SNTB1: variants seen among roughly 807,000 people sequenced by gnomAD.
SNTB1 encodes beta-1-syntrophin.
A neutral mutation model predicts 48.9 loss-of-function variants in SNTB1; 36 were observed. The observed-to-expected ratio is 0.74, with a 90% CI of 0.56 to 0.97. The LOEUF (loss-of-function observed/expected upper bound fraction) is 0.97. Ranked by LOEUF, SNTB1 falls within the 50% of genes least tolerant of loss-of-function variation. The probability of loss-of-function intolerance (pLI) is 0.00; values close to 1 mark genes in which losing one functional copy is unlikely to be tolerated. For missense variants in SNTB1, 786 were observed against 703.4 expected, an observed-to-expected ratio of 1.12 and a Z score of -1.33; for synonymous variants, 299 against 294.6, an observed-to-expected ratio of 1.01 and a Z score of -0.15.
intron 3 of SNTB1, among the ~76,000 whole-genome samples, chr8:120,581,681 T>C (rs981552847): frequency 6.6e-6 from 1 of 151,996 alleles, no homozygotes; most frequent in East Asian, 1.9e-4. Flanking sequence ...TAAAGTGAGG[T>C]GAAAAGGATG....
intron 1 of SNTB1, among the ~76,000 whole-genome samples, chr8:120,729,977 C>T (rs187253726): frequency 2.0e-5 from 3 of 152,162 alleles, no homozygotes; most frequent in Non-Finnish European, 2.9e-5. Flanking sequence ...ACAGAGCCTG[C>T]GAAAGCAGTT....
intron 2 of SNTB1, among the ~76,000 whole-genome samples, chr8:120,683,304 G>A (rs1289160032): frequency 6.6e-6 from 1 of 152,166 alleles, no homozygotes; most frequent in Non-Finnish European, 1.5e-5. Flanking sequence ...CCACTGCTGT[G>A]TTTCAGGAGG....
intron 1 of SNTB1, among the ~76,000 whole-genome samples, chr8:120,802,134 G>A (rs890634804): frequency 2.0e-5 from 3 of 152,046 alleles, no homozygotes; most frequent in African/African-American, 7.2e-5. Context: ...ACTAAATAGA[G>A]AATAAAAAAC....
At chr8:120,795,957 C>T (rs1820113164) in intron 1 of SNTB1, among the ~76,000 whole-genome samples, 2 of 151,962 alleles carry the variant, frequency 1.3e-5, no homozygotes, top group South Asian at 4.1e-4. Context: ...CCCTAATGAC[C>T]TCACTTTAAC....
intron 2 of SNTB1, among the ~76,000 whole-genome samples, chr8:120,649,439 G>T (rs1817365304): frequency 1.4e-5 from 2 of 140,550 alleles, no homozygotes; most frequent in African/African-American, 5.4e-5. Flanking sequence ...TGAGGTGTCA[G>T]TGTGCCCCTG....
At chr8:120,776,329 C>G (rs1361211416) in intron 1 of SNTB1, 2 of 152,220 alleles carry the variant, frequency 1.3e-5, no homozygotes, top group South Asian at 2.1e-4. Context: ...TTCCAGCTAT[C>G]TAACATTTAT....
chr8:120,740,324 G>C (rs1819022651), intron 1 of SNTB1, among the ~76,000 whole-genome samples: 1 of 152,282 alleles, frequency 6.6e-6, no homozygotes, highest in South Asian at 2.1e-4. Flanking sequence ...CTTTCGTCTA[G>C]AGTATGATCT....
chr8:120,658,400 C>T (rs1202855796), intron 2 of SNTB1, among the ~76,000 whole-genome samples: 2 of 152,060 alleles, frequency 1.3e-5, no homozygotes, highest in Non-Finnish European at 2.9e-5. Context: ...ACACCATAGG[C>T]AATTTAGTTA....
chr8:120,713,056 A>G (rs1383088419), intron 1 of SNTB1, among the ~76,000 whole-genome samples: 1 of 152,130 alleles, frequency 6.6e-6, no homozygotes, highest in Admixed American at 6.5e-5. Flanking sequence ...TAATATAAAT[A>G]TTGTCATTCT....
chr8:120,611,288 T>C (rs536325048), intron 3 of SNTB1, among the ~76,000 whole-genome samples: 1 of 151,894 alleles, frequency 6.6e-6, no homozygotes, highest in Non-Finnish European at 1.5e-5. Flanking sequence ...CCCCCAAGAG[T>C]GCAGAAGAGG....
At chr8:120,653,536 T>G (rs1015814009) in intron 2 of SNTB1, among the ~76,000 whole-genome samples, 7 of 152,228 alleles carry the variant, frequency 4.6e-5, no homozygotes, top group African/African-American at 1.7e-4. Flanking sequence ...TCTACTGTTT[T>G]AAGCCACCCA....
chr8:120,764,625 A>G (rs1819484041), intron 1 of SNTB1, among the ~76,000 whole-genome samples: 1 of 152,166 alleles, frequency 6.6e-6, no homozygotes, highest in African/African-American at 2.4e-5. Context: ...GCCATTTTCA[A>G]TTGCCCTACT....
At chr8:120,611,638 C>A (rs966279872) in intron 3 of SNTB1, among the ~76,000 whole-genome samples, 11 of 151,720 alleles carry the variant, frequency 7.3e-5, no homozygotes, top group African/African-American at 2.7e-4. Context: ...CTGGCTAACA[C>A]GGTGAAACCC....
chr8:120,671,524 AC>A (rs982615044), intron 2 of SNTB1, among the ~76,000 whole-genome samples: 1 of 152,214 alleles, frequency 6.6e-6, no homozygotes, highest in Non-Finnish European at 1.5e-5. Context: ...GCCAAGAAAT[AC>A]CAAGGACACT....
intron 4 of SNTB1, among the ~76,000 whole-genome samples, chr8:120,573,024 C>G (rs906080784): frequency 1.3e-5 from 2 of 152,192 alleles, no homozygotes; most frequent in Non-Finnish European, 2.9e-5. Flanking sequence ...AATTTCAGTT[C>G]TCTTGGATAT....
At position 120,565,232 on chromosome 8, in the gene SNTB1, G is replaced by A. The variant is rs143248906; in HGVS notation, c.1136+9854C>T. Reference sequence around the variant, plus strand: ...ATGTAGCCAATGTATTTATAAACCCGAAAATAGAAGAGGGGTTAACAAATT... The same window carrying A: ...ATGTAGCCAATGTATTTATAAACCCAAAAATAGAAGAGGGGTTAACAAATT... On this transcript the variant is annotated intron_variant, in intron 4 of 6. Coordinates refer to ENST00000517992, the MANE Select transcript of SNTB1 (RefSeq NM_021021.4). Among the ~76,000 whole-genome samples the A allele has an allele frequency of 4.1e-4, 63 of 152,160 alleles. 1 individual carries two copies. Among genetic ancestry groups the A allele is most frequent in the African/African-American group, 1.3e-3 (53 of 41,506 alleles).
chr8:120,752,139 G>A (rs1003246027), intron 1 of SNTB1, among the ~76,000 whole-genome samples: 2 of 152,114 alleles, frequency 1.3e-5, no homozygotes, highest in African/African-American at 4.8e-5. Context: ...AAGCCTAAGA[G>A]AAGGGCAGGT....
intron 1 of SNTB1, among the ~76,000 whole-genome samples, chr8:120,764,023 C>T (rs1819473536): frequency 6.6e-6 from 1 of 152,130 alleles, no homozygotes; most frequent in Non-Finnish European, 1.5e-5. Context: ...AGTAATTTGG[C>T]AATGTTCTCA....
At chr8:120,737,949 C>T (rs1324316630) in intron 1 of SNTB1, among the ~76,000 whole-genome samples, 1 of 152,108 alleles carries the variant, frequency 6.6e-6, no homozygotes, top group Non-Finnish European at 1.5e-5. Context: ...GTGAATGAAA[C>T]AATTTTGGGT....
Sources: gnomAD v4.1 joint callset for allele counts (sites outside exome capture counted in the v4.1 genomes callset) on GRCh38, gnomAD v4.1.1 for gene constraint, MANE v1.5 for transcripts, NCBI Gene and HGNC (gene_info 2026-07-23, HGNC 2026-07-21) for gene names.